The following RCC1 variants were observed in gnomAD, a reference collection of about 807,000 sequenced individuals.
RCC1 encodes regulator of chromosome condensation.
Under a neutral mutation model 44.4 loss-of-function variants are expected in RCC1, and 11 were observed. The ratio of observed to expected loss-of-function variants is 0.25; its 90% CI spans 0.16 to 0.41. The LOEUF (loss-of-function observed/expected upper bound fraction) is 0.41. RCC1 is among the 10% of genes least tolerant of loss of function. RCC1 has a pLI of 1.00. For synonymous variants in RCC1, 213 were observed against 216.5 expected (o/e 0.98, Z 0.14); for missense variants, 386 against 547.1 (o/e 0.71, Z 2.94).
At chr1:28,530,496 C>T in intron 5 of RCC1, 1 of 1,585,522 alleles carries the variant, frequency 6.3e-7, no homozygotes, top group Non-Finnish European at 8.6e-7. Flanking sequence ...TGTGGACCCA[C>T]GCTCAGACAG....
At chr1:28,513,881 A>G (rs370858005) in intron 3 of RCC1, among the ~76,000 whole-genome samples, 12 of 152,166 alleles carry the variant, frequency 7.9e-5, no homozygotes, top group Non-Finnish European at 1.5e-5. Flanking sequence ...CACCATGCCC[A>G]GCCATATTAT....
chr1:28,511,568 A>G (rs1282995733), intron 3 of RCC1, among the ~76,000 whole-genome samples: 1 of 151,130 alleles, frequency 6.6e-6, no homozygotes, highest in Non-Finnish European at 1.5e-5. Context: ...AAGGGGTTTC[A>G]CCATGTTAGC....
At chr1:28,534,391 C>T (rs113315253) in intron 7 of RCC1, among the ~76,000 whole-genome samples, 67 of 152,098 alleles carry the variant, frequency 4.4e-4, no homozygotes, top group African/African-American at 1.6e-3. Flanking sequence ...CCGTGTTAGC[C>T]GGAATGGTCT....
At chr1:28,514,782 C>T (rs372906075) in intron 3 of RCC1, among the ~76,000 whole-genome samples, 7 of 151,918 alleles carry the variant, frequency 4.6e-5, no homozygotes, top group South Asian at 2.1e-4. Context: ...AACAATCTTC[C>T]GGCTGGGCAC....
chr1:28,515,371 C>T (rs1463459979), intron 3 of RCC1, among the ~76,000 whole-genome samples: 3 of 151,536 alleles, frequency 2.0e-5, no homozygotes, highest in Non-Finnish European at 4.4e-5. Flanking sequence ...TTGCAGTGAG[C>T]CGAGATCCTG....
chr1:28,514,800 C>T (rs1331431711), intron 3 of RCC1, among the ~76,000 whole-genome samples: 2 of 151,876 alleles, frequency 1.3e-5, no homozygotes, highest in African/African-American at 2.4e-5. Flanking sequence ...CACAGTGGCT[C>T]ACGCCTGTAA....
At position 28,516,748 on chromosome 1, in the gene RCC1, G is replaced by T; in HGVS notation, c.-129G>T. ...AGCTACATGAATGTGTAAGATCTTGGAGGAAGACAGCAGAGAGAGAGAGAG... is the reference window on the plus strand; with the variant it reads ...AGCTACATGAATGTGTAAGATCTTGTAGGAAGACAGCAGAGAGAGAGAGAG... On this transcript the variant is annotated 5_prime_UTR_variant, in exon 4 of 13. The change creates a premature stop within an existing upstream ORF in the 5' untranslated region. Transcript: ENST00000683442. The T allele has an allele frequency of 2.3e-6, 1 of 441,044 alleles. No individual in the cohort carries two copies. Among genetic ancestry groups the T allele is most frequent in the Non-Finnish European group, 4.5e-6 (1 of 221,396 alleles). The allele number at this position is 441,044 out of a possible 1,614,324, so 27.3% of individuals were successfully genotyped here. A position where few individuals can be genotyped will look rare whatever the true frequency, so the allele number is the denominator to read the frequency against.
In RCC1 at chr1:28,538,312, T is replaced by G; in HGVS notation, c.*305T>G. 1 of 201,352 alleles carries G rather than the reference T, an allele frequency of 5.0e-6. No homozygotes were observed. The highest frequency in any genetic ancestry group is 1.4e-4 in the South Asian group (1 of 6,986). 12.5% of individuals were successfully genotyped at this position (201,352 alleles called of 1,614,324 possible). On this transcript the variant is annotated 3_prime_UTR_variant, in exon 13 of 13. Coordinates refer to ENST00000683442, the MANE Select transcript of RCC1 (RefSeq NM_001381865.2). ...TACCTTCCATGGTCCTGGTTGGCCC[T>G]GGCTTTGCCTACTAGAAAACCAAAA...
chr1:28,506,273 C>A (rs967458783), intron 1 of RCC1, 189 bp downstream of exon 1: 1 of 446,424 alleles, frequency 2.2e-6, no homozygotes, highest in East Asian at 7.0e-5. Flanking sequence ...CAACCTCCGC[C>A]TGCCGGGTTC....
At chr1:28,531,632 AGAGGTACTTT>A (rs141371841) in intron 5 of RCC1, among the ~76,000 whole-genome samples, 161 bp from the exon 6 acceptor site, 12,465 of 152,150 alleles carry the variant, frequency 0.082, 1,026 homozygotes, top group African/African-American at 0.22. Flanking sequence ...ATCCTGTGAG[AGAGGTACTTT>A]TGTTGTCCCC....
At position 28,506,055 on chromosome 1, in the gene RCC1, C is replaced by T. The variant is rs1444064539; in HGVS notation, c.-291C>T. ...GCGTTTTCTCTCTCCTTTTTGGAGA[C>T]AGATTCGCAGTGGTCGCTTCTTCTC... is the stretch of plus-strand genomic sequence containing the variant. On this transcript the variant is annotated 5_prime_UTR_variant, in exon 1 of 13. Transcript: ENST00000683442. 7 of 455,982 alleles carry T rather than the reference C, an allele frequency of 1.5e-5. No homozygotes were observed. The highest frequency in any genetic ancestry group is 1.4e-4 in the East Asian group (2 of 14,414). The allele number at this position is 455,982 out of a possible 1,614,324, so 28.2% of individuals were successfully genotyped here. A position where few individuals can be genotyped will look rare whatever the true frequency, so the allele number is the denominator to read the frequency against.
chr1:28,520,128 A>G (rs555688718), intron 4 of RCC1, among the ~76,000 whole-genome samples: 1 of 152,266 alleles, frequency 6.6e-6, no homozygotes, highest in South Asian at 2.1e-4. Context: ...CTAGTGTGAA[A>G]TATACCACCT....
Position 28,513,183 on chromosome 1 carries a change from C to T in RCC1, c.-152-3542C>T, listed in dbSNP as rs145450199. The stretch of plus-strand genomic sequence containing the variant: ...TCCGGAGTAGCTGGAATTACAGTCA[C>T]GCACCACCACGCCCAGCTAATTTTT... On this transcript the variant is annotated intron_variant, in intron 3 of 12. Transcript: ENST00000683442. Among the ~76,000 whole-genome samples the T allele has an allele frequency of 8.9e-3, 1,358 of 152,018 alleles. 18 individuals are homozygous for T. The highest frequency in any genetic ancestry group is 0.031 in the African/African-American group (1,297 of 41,476).
chr1:28,531,259 C>CTT lies in RCC1; in HGVS notation c.74-540_74-539dup, dbSNP rs769808394. ...CAATAACAATAATTAGCTTTCTTTT[C>CTT]TTTTTCTTTTTTTTTTTTTTTTTGA... On this transcript the variant is annotated intron_variant, in intron 5 of 12. Transcript: ENST00000683442. 2.2e-3 allele frequency among the ~76,000 whole-genome samples: 288 copies of CTT among 132,450 alleles called. 16 individuals carry two copies. Among genetic ancestry groups the CTT allele is most frequent in the Middle Eastern group, 4.6e-3 (1 of 216 alleles). The allele number at this position is 132,450 out of a possible 152,430, so 86.9% of individuals were successfully genotyped here.
chr1:28,509,427 A>G (rs1662325893), intron 3 of RCC1: 2 of 158,026 alleles, frequency 1.3e-5, no homozygotes, highest in Non-Finnish European at 1.4e-5. Flanking sequence ...TTTTTAGTAG[A>G]GATGAGGTTT....
At position 28,535,964 on chromosome 1, in the gene RCC1, C is replaced by T. The variant is rs761775838; in HGVS notation, c.755C>T (p.Thr252Ile). ...FQDAFCGAYF[T>I]FAISHEGHVY... ...GATGCCTTTTGTGGTGCCTATTTCA[C>T]CTTTGCCATCTCCCATGAGGGCCAC... Residue 252 changes from threonine (T) to isoleucine (I), a missense_variant, in exon 10 of 13, where the codon ACC becomes ATC. By Grantham distance (89) the Thr-to-Ile change is moderately conservative (BLOSUM62 -1). Coordinates refer to ENST00000683442, the MANE Select transcript of RCC1 (RefSeq NM_001381865.2). 6.2e-7 allele frequency: 1 copy of T among 1,614,148 alleles called. No homozygotes were observed.
intron 1 of RCC1, chr1:28,507,346 T>G (rs1221220587): frequency 5.8e-6 from 3 of 517,534 alleles, no homozygotes; most frequent in Non-Finnish European, 1.2e-5. Context: ...TTCTGTAAAT[T>G]TATGCGTTAC....
chr1:28,524,390 CTT>C (rs1478768368), intron 4 of RCC1, among the ~76,000 whole-genome samples: 1 of 152,140 alleles, frequency 6.6e-6, no homozygotes, highest in Admixed American at 6.6e-5. Flanking sequence ...ATCCTCTGGA[CTT>C]TTTTAGGATG....
In RCC1 at chr1:28,532,311, C is replaced by T; in HGVS notation, c.402C>T (p.Leu134=). ...CAGGAGACAGTCACACAGCAGCCCT[C>T]ACCGATGATGGCCGTGTCTTCCTCT... The part of the protein sequence containing the change: ...VSAGDSHTAA[L]TDDGRVFLWG... The change falls in exon 7 of 13, where the codon CTC becomes CTT. Residue 134 remains leucine, a synonymous_variant. Transcript: ENST00000683442. 3.1e-6 allele frequency: 5 copies of T among 1,614,128 alleles called. No homozygotes were observed. Among genetic ancestry groups the T allele is most frequent in the Non-Finnish European group, 4.2e-6 (5 of 1,180,024 alleles).
Sources: gnomAD v4.1 joint callset for allele counts (sites outside exome capture counted in the v4.1 genomes callset) on GRCh38, gnomAD v4.1.1 for gene constraint, MANE v1.5 for transcripts, NCBI Gene and HGNC (gene_info 2026-07-23, HGNC 2026-07-21) for gene names.